KLHL6: variants seen among roughly 807,000 people sequenced by gnomAD.
KLHL6 encodes kelch-like protein 6.
KLHL6 carries 41 observed loss-of-function variants against 58.6 expected under a neutral mutation model. The ratio of observed to expected loss-of-function variants is 0.70; its 90% confidence interval spans 0.55 to 0.91. The LOEUF (loss-of-function observed/expected upper bound fraction) is 0.91, where lower values mean the gene tolerates loss of function less well. KLHL6 is among the 40% of genes least tolerant of loss of function. KLHL6 has a pLI of 0.00. For missense variants in KLHL6, 714 were observed against 805.6 expected, an observed-to-expected ratio of 0.89 and a Z score of 1.38; for synonymous variants, 338 against 322.7, an observed-to-expected ratio of 1.05 and a Z score of -0.51.
chr3:183,529,002 A>T (rs1433200249), intron 1 of KLHL6, among the ~76,000 whole-genome samples: 1 of 152,352 alleles, frequency 6.6e-6, no homozygotes, highest in East Asian at 1.9e-4. Flanking sequence ...TTGCAGGGAC[A>T]TGGAAGGAGC....
chr3:183,510,391 T>C (rs1718147581), intron 2 of KLHL6, among the ~76,000 whole-genome samples: 1 of 151,472 alleles, frequency 6.6e-6, no homozygotes, highest in Non-Finnish European at 1.5e-5. Context: ...GCAGGAGCTG[T>C]GGGGAGTGGG....
At chr3:183,530,744 G>A (rs914680442) in intron 1 of KLHL6, among the ~76,000 whole-genome samples, 1 of 152,076 alleles carries the variant, frequency 6.6e-6, no homozygotes, top group African/African-American at 2.4e-5. Context: ...GAACTGAAGG[G>A]GAAGAGACAA....
chr3:183,493,687 G>C (rs1187269410), intron 5 of KLHL6: 1 of 196,592 alleles, frequency 5.1e-6, no homozygotes, highest in Non-Finnish European at 1.0e-5. Flanking sequence ...GTTCATAAAC[G>C]GTGTAGTAAA....
chr3:183,524,300 A>G (rs767936744), intron 2 of KLHL6, among the ~76,000 whole-genome samples: 7 of 152,172 alleles, frequency 4.6e-5, no homozygotes, highest in Non-Finnish European at 8.8e-5. Context: ...ACTGGGTGGC[A>G]TTCATTTCAA....
chr3:183,513,471 G>T (rs367859113), intron 2 of KLHL6, among the ~76,000 whole-genome samples: 2 of 152,260 alleles, frequency 1.3e-5, no homozygotes, highest in South Asian at 4.1e-4. Flanking sequence ...ATTTGCACAC[G>T]TCACTGGGTA....
intron 3 of KLHL6, among the ~76,000 whole-genome samples, chr3:183,501,909 G>C (rs1464761189): frequency 6.6e-6 from 1 of 152,288 alleles, no homozygotes; most frequent in East Asian, 1.9e-4. Context: ...TAAGGCCCCT[G>C]ATGGCAGGAA....
chr3:183,543,064 G>A (rs1217243064), intron 1 of KLHL6, among the ~76,000 whole-genome samples: 9 of 152,068 alleles, frequency 5.9e-5, no homozygotes, highest in African/African-American at 9.7e-5. Context: ...AGGCTGAGGC[G>A]GGCAGATCAC....
At chr3:183,544,163 C>CAAAAAAAAAAAAA (rs56357226) in intron 1 of KLHL6, among the ~76,000 whole-genome samples, 3 of 57,008 alleles carry the variant, frequency 5.3e-5, no homozygotes, top group Non-Finnish European at 6.9e-5. Context: ...AACTCAGTCT[C>CAAAAAAAAAAAAA]AAAAAAAAAA....
intron 3 of KLHL6, among the ~76,000 whole-genome samples, chr3:183,502,351 A>G (rs114927330): frequency 0.022 from 3,331 of 151,720 alleles, 125 homozygotes; most frequent in African/African-American, 0.076. Context: ...TGGGCAAGCT[A>G]GGTAACTCAG....
At chr3:183,504,174 T>C (rs1438279519) in intron 3 of KLHL6, among the ~76,000 whole-genome samples, 2 of 152,202 alleles carry the variant, frequency 1.3e-5, no homozygotes, top group African/African-American at 2.4e-5. Context: ...ACGAACCAAG[T>C]GGCAATGGCA....
chr3:183,523,506 C>T (rs73072024), intron 2 of KLHL6, among the ~76,000 whole-genome samples: 36 of 152,286 alleles, frequency 2.4e-4, no homozygotes, highest in African/African-American at 6.5e-4. Flanking sequence ...ACTTTGGCCA[C>T]GGGACTTAGC....
chr3:183,516,105 A>G (rs1372580487), intron 2 of KLHL6, among the ~76,000 whole-genome samples: 1 of 152,178 alleles, frequency 6.6e-6, no homozygotes, highest in African/African-American at 2.4e-5. Flanking sequence ...TTGTTGAGCT[A>G]ACAAAATGCC....
Position 183,487,862 on chromosome 3 carries a change from G to T in KLHL6, c.*4065C>A, listed in dbSNP as rs1009995869. 1 of 152,196 alleles carries T rather than the reference G, an allele frequency of 6.6e-6. No homozygotes were observed. The highest frequency in any genetic ancestry group is 1.5e-5 in the Non-Finnish European group (1 of 68,042). 9.4% of individuals were successfully genotyped at this position (152,196 alleles called of 1,614,324 possible). A position where few individuals can be genotyped will look rare whatever the true frequency, so the allele number is the denominator to read the frequency against. On this transcript the variant is annotated 3_prime_UTR_variant, in exon 7 of 7. Transcript: ENST00000341319. ...AAATGATTTTGCAACCCCAAGTTGG[G>T]ACTTAACATAAGAAATCCTTATGGT...
intron 1 of KLHL6, among the ~76,000 whole-genome samples, chr3:183,541,183 A>G (rs551334117): frequency 1.3e-5 from 2 of 152,334 alleles, no homozygotes; most frequent in East Asian, 1.9e-4. Context: ...TCCAGTCATA[A>G]AAGGTATCCC....
At chr3:183,534,116 A>ACTTTTAAAGTACTTTAAAAGTACTTTC in intron 1 of KLHL6, among the ~76,000 whole-genome samples, 1 of 123,810 alleles carries the variant, frequency 8.1e-6, no homozygotes, top group Non-Finnish European at 1.8e-5. Flanking sequence ...AAAGTACTTT[A>ACTTTTAAAGTACTTTAAAAGTACTTTC]CTTTTAAAGT....
At chr3:183,529,845 A>G (rs1309208898) in intron 1 of KLHL6, among the ~76,000 whole-genome samples, 1 of 152,060 alleles carries the variant, frequency 6.6e-6, no homozygotes, top group Non-Finnish European at 1.5e-5. Flanking sequence ...ATTTGGAAAT[A>G]GGGGTTTTAG....
chr3:183,494,751 C>G (rs1717669793), intron 4 of KLHL6, among the ~76,000 whole-genome samples: 1 of 152,218 alleles, frequency 6.6e-6, no homozygotes, highest in African/African-American at 2.4e-5. Flanking sequence ...AGCAAAGATA[C>G]AGACCTGGAA....
At position 183,492,980 on chromosome 3, in the gene KLHL6, T is replaced by A. The variant is rs545013313; in HGVS notation, c.1351-273A>T. The A allele has an allele frequency of 1.5e-4, 65 of 447,000 alleles. No homozygotes were observed. Among genetic ancestry groups the A allele is most frequent in the Admixed American group, 2.6e-4 (7 of 27,368 alleles). 27.7% of individuals were successfully genotyped at this position (447,000 alleles called of 1,614,324 possible). ...ATCCAGCTCTCAGGCAAGAATAAGTTTATACAGATGAAGTCAGCCAGTGTG... is the reference window on the plus strand; with the variant it reads ...ATCCAGCTCTCAGGCAAGAATAAGTATATACAGATGAAGTCAGCCAGTGTG... On this transcript the variant is annotated intron_variant, in intron 5 of 6. Coordinates refer to ENST00000341319, the MANE Select transcript of KLHL6 (RefSeq NM_130446.4). The surrounding 1 kb of genome is among the most constrained non-coding windows in gnomAD (Gnocchi z 5.9).
chr3:183,524,481 C>T (rs1711881022), intron 2 of KLHL6, among the ~76,000 whole-genome samples: 1 of 152,206 alleles, frequency 6.6e-6, no homozygotes, highest in South Asian at 2.1e-4. Context: ...CAATCAGTAC[C>T]TGCCACACCC....
Sources: allele counts gnomAD v4.1 joint callset (sites outside exome capture counted in the v4.1 genomes callset), GRCh38; gene constraint gnomAD v4.1.1; non-coding constraint Gnocchi (gnomAD v3.1); transcripts MANE v1.5; gene names NCBI Gene and HGNC (gene_info 2026-07-23, HGNC 2026-07-21).